Variants in SYT16 observed in about 807,000 individuals in gnomAD.
SYT16 encodes synaptotagmin-16.
Under a neutral mutation model 61.4 loss-of-function variants are expected in SYT16, and 42 were observed. The ratio of observed to expected loss-of-function variants is 0.68; its 90% CI spans 0.53 to 0.89. The LOEUF is 0.89. Ranked by LOEUF, SYT16 falls within the 40% of genes least tolerant of loss-of-function variation. SYT16 has a pLI of 0.00. For synonymous variants in SYT16, 314 were observed against 302.3 expected, an observed-to-expected ratio of 1.04 and a Z score of -0.40; for missense variants, 804 against 807.3, an observed-to-expected ratio of 1.00 and a Z score of 0.05.
intron 1 of SYT16, among the ~76,000 whole-genome samples, chr14:61,947,349 G>A (rs2050488456): frequency 6.7e-6 from 1 of 149,164 alleles, no homozygotes; most frequent in African/African-American, 2.5e-5. Flanking sequence ...GTCCTCCAGG[G>A]TTCCTTCTAA....
intron 3 of SYT16, among the ~76,000 whole-genome samples, chr14:61,999,378 T>C (rs1024934701): frequency 3.3e-5 from 5 of 151,776 alleles, no homozygotes; most frequent in African/African-American, 1.2e-4. Context: ...TTTCATTTCA[T>C]CTATGTTGTT....
At position 62,039,831 on chromosome 14, in the gene SYT16, G is replaced by GCACACA. The variant is rs1300882926; in HGVS notation, c.524-29770_524-29769insCACACA. ...GGAAGCCAAATTCAGAGGGGCTTAA[G>GCACACA]CATACACACACACACACACACACAC... On this transcript the variant is annotated intron_variant, in intron 3 of 7. Transcript: ENST00000683842. Among the ~76,000 whole-genome samples the GCACACA allele has an allele frequency of 5.8e-5, 5 of 86,866 alleles. No individual in the cohort carries two copies. The East Asian group carries it at 1.5e-3, about 25-fold the overall frequency. 57.0% of individuals were successfully genotyped at this position (86,866 alleles called of 152,430 possible). A position where few individuals can be genotyped will look rare whatever the true frequency, so the allele number is the denominator to read the frequency against.
At chr14:61,876,145 C>A (rs1177669782) in intron 1 of SYT16, among the ~76,000 whole-genome samples, 1 of 152,168 alleles carries the variant, frequency 6.6e-6, no homozygotes, top group Non-Finnish European at 1.5e-5. Context: ...GGGCATCTTC[C>A]TGAATTTATG....
intron 5 of SYT16, among the ~76,000 whole-genome samples, chr14:62,076,675 A>C (rs2056508569): frequency 6.6e-6 from 1 of 152,212 alleles, no homozygotes; most frequent in South Asian, 2.1e-4. Context: ...TTTTGTTTAA[A>C]AAAAGAAAAA....
intron 1 of SYT16, chr14:61,865,390 T>C (rs2047115831): frequency 4.8e-6 from 3 of 620,196 alleles, no homozygotes; most frequent in Non-Finnish European, 9.1e-6. Flanking sequence ...TCTCCTCATT[T>C]ATGTGATTTA....
rs1245117031 is a variant in SYT16, at chr14:61,865,054, C to T, written c.-325+52244C>T. The T allele has an allele frequency of 5.1e-5, 72 of 1,404,806 alleles. 1 individual carries two copies. The Admixed American group carries it at 1.1e-3, about 21-fold the overall frequency. 87.0% of individuals were successfully genotyped at this position (1,404,806 alleles called of 1,614,324 possible). A position where few individuals can be genotyped will look rare whatever the true frequency, so the allele number is the denominator to read the frequency against. On this transcript the variant is annotated intron_variant, in intron 1 of 7. Coordinates refer to ENST00000683842, the MANE Select transcript of SYT16 (RefSeq NM_001367656.1). ...TCTGCTGTATTCGGCTGCGGAGCTG[C>T]AGGCTCGACTGTGCAGCTTGCGGGA...
chr14:61,978,702 C>A (rs1166417737), intron 2 of SYT16, among the ~76,000 whole-genome samples: 1 of 152,174 alleles, frequency 6.6e-6, no homozygotes, highest in East Asian at 1.9e-4. Flanking sequence ...AGTGTTAACA[C>A]TGGACCAGTG....
chr14:61,950,283 T>G (rs1224983030), intron 1 of SYT16, among the ~76,000 whole-genome samples: 2 of 152,162 alleles, frequency 1.3e-5, no homozygotes, highest in African/African-American at 4.8e-5. Flanking sequence ...GGGGAGTAAC[T>G]GGGTTGAGTC....
chr14:61,956,173 G>C (rs1264002619), intron 1 of SYT16, among the ~76,000 whole-genome samples: 2 of 151,774 alleles, frequency 1.3e-5, no homozygotes, highest in Admixed American at 1.3e-4. Flanking sequence ...TTTAGTTTTA[G>C]GAGGTCCTTA....
At chr14:62,033,208 T>C (rs995623499) in intron 3 of SYT16, among the ~76,000 whole-genome samples, 3 of 123,836 alleles carry the variant, frequency 2.4e-5, no homozygotes, top group Admixed American at 9.0e-5. Context: ...TATATAGCTA[T>C]TTTATAAATC....
chr14:61,859,102 G>A (rs539379284), intron 1 of SYT16, among the ~76,000 whole-genome samples: 8 of 151,630 alleles, frequency 5.3e-5, no homozygotes, highest in South Asian at 2.1e-4. Flanking sequence ...CTCATGATTC[G>A]CCCGCCTCGG....
chr14:62,015,286 A>C (rs2053625443), intron 3 of SYT16, among the ~76,000 whole-genome samples: 1 of 34,984 alleles, frequency 2.9e-5, no homozygotes, highest in African/African-American at 1.2e-4. Context: ...TTCATTAACA[A>C]AAAAAAAAAT....
At chr14:61,937,287 T>C (rs1369160133) in intron 1 of SYT16, among the ~76,000 whole-genome samples, 3 of 152,254 alleles carry the variant, frequency 2.0e-5, no homozygotes, top group African/African-American at 7.2e-5. Context: ...CAGTTTGAAA[T>C]GTTTTCTCTC....
intron 1 of SYT16, among the ~76,000 whole-genome samples, chr14:61,910,853 A>G (rs2048908081): frequency 6.6e-6 from 1 of 152,180 alleles, no homozygotes; most frequent in Non-Finnish European, 1.5e-5. Flanking sequence ...AATCTGTTCC[A>G]AAGCTTGAAA....
At chr14:61,893,190 A>G (rs936889780) in intron 1 of SYT16, among the ~76,000 whole-genome samples, 1 of 152,244 alleles carries the variant, frequency 6.6e-6, no homozygotes, top group Non-Finnish European at 1.5e-5. Flanking sequence ...AAGAAAGTGA[A>G]TGTGGTTTGG....
intron 3 of SYT16, among the ~76,000 whole-genome samples, chr14:62,025,961 T>A (rs1190539267): frequency 6.6e-6 from 1 of 152,232 alleles, no homozygotes; most frequent in African/African-American, 2.4e-5. Context: ...AATATTAAAC[T>A]ATTCTTGAAT....
rs373875449 is a variant in SYT16, at chr14:61,865,925, A to C, written c.-325+53115A>C. Among the ~76,000 whole-genome samples, 229 of 152,336 alleles carry C rather than the reference A, an allele frequency of 1.5e-3. 7 individuals carry two copies. In the South Asian group the frequency reaches 0.046, roughly 31 times the overall value. On this transcript the variant is annotated intron_variant, in intron 1 of 7. Coordinates refer to ENST00000683842, the MANE Select transcript of SYT16 (RefSeq NM_001367656.1). ...AGGTGCAGTAAACTTAGTCTTACGA[A>C]ATTGATCACAGATTATATACTTAGG...
At chr14:62,043,196 G>A (rs1183083396) in intron 3 of SYT16, among the ~76,000 whole-genome samples, 1 of 147,668 alleles carries the variant, frequency 6.8e-6, no homozygotes, top group East Asian at 2.0e-4. Context: ...TCCTATAGTA[G>A]TACTTCTAAG....
intron 1 of SYT16, among the ~76,000 whole-genome samples, chr14:61,963,035 A>G (rs1026411651): frequency 1.3e-5 from 2 of 152,122 alleles, no homozygotes; most frequent in Non-Finnish European, 2.9e-5. Context: ...AATAGTGTCC[A>G]TGGAATAACT....
Sources: allele counts gnomAD v4.1 joint callset (sites outside exome capture counted in the v4.1 genomes callset), GRCh38; gene constraint gnomAD v4.1.1; transcripts MANE v1.5; gene names NCBI Gene and HGNC (gene_info 2026-07-23, HGNC 2026-07-21).